The following ARHGAP42 variants were observed in gnomAD, a reference collection of about 807,000 sequenced individuals.
ARHGAP42 encodes rho GTPase-activating protein 42.
ARHGAP42 carries 63 observed loss-of-function variants against 125.0 expected under a neutral mutation model. The observed-to-expected ratio is 0.50, with a 90% CI of 0.41 to 0.62. The LOEUF (loss-of-function observed/expected upper bound fraction) is 0.62. Ranked by LOEUF, ARHGAP42 falls within the 20% of genes least tolerant of loss-of-function variation. The pLI, the probability that ARHGAP42 is intolerant of heterozygous loss-of-function variation, is 0.00. For synonymous variants in ARHGAP42, 339 were observed against 351.0 expected (o/e 0.97, Z 0.38); for missense variants, 766 against 1,024.2 (o/e 0.75, Z 3.44).
At chr11:100,763,094 C>T (rs928381307) in intron 1 of ARHGAP42, among the ~76,000 whole-genome samples, 2 of 150,040 alleles carry the variant, frequency 1.3e-5, no homozygotes, top group Non-Finnish European at 3.0e-5. Flanking sequence ...ATTCTCATGC[C>T]TCAGCCTCCC....
At chr11:100,697,027 C>T (rs1861295396) in intron 1 of ARHGAP42, among the ~76,000 whole-genome samples, 1 of 151,984 alleles carries the variant, frequency 6.6e-6, no homozygotes, top group African/African-American at 2.4e-5. Flanking sequence ...AATTGGAAAA[C>T]TGCTGCCTGT....
intron 6 of ARHGAP42, among the ~76,000 whole-genome samples, chr11:100,923,747 A>G (rs1021733809): frequency 6.6e-6 from 1 of 152,066 alleles, no homozygotes; most frequent in Admixed American, 6.5e-5. Context: ...GTCAAAATTG[A>G]TGTTATATTT....
intron 3 of ARHGAP42, among the ~76,000 whole-genome samples, chr11:100,800,078 A>G (rs1253933062): frequency 2.6e-5 from 4 of 152,236 alleles, no homozygotes; most frequent in African/African-American, 9.6e-5. Context: ...TGTTAAGGAT[A>G]GACTAGTTAC....
intron 1 of ARHGAP42, among the ~76,000 whole-genome samples, chr11:100,758,742 G>C (rs951686147): frequency 2.6e-5 from 4 of 152,128 alleles, no homozygotes; most frequent in Admixed American, 2.6e-4. Flanking sequence ...CATTTGCTCA[G>C]CACAATGATC....
chr11:100,813,415 G>C (rs945300878), intron 3 of ARHGAP42, among the ~76,000 whole-genome samples: 4 of 152,188 alleles, frequency 2.6e-5, no homozygotes, highest in South Asian at 4.1e-4. Flanking sequence ...GGGACTGTAG[G>C]GGGTAACAGG....
intron 3 of ARHGAP42, among the ~76,000 whole-genome samples, chr11:100,820,994 C>T (rs1336199586): frequency 6.6e-6 from 1 of 151,094 alleles, no homozygotes; most frequent in East Asian, 1.9e-4. Context: ...TTAGTGCTTC[C>T]CTTTCCAGCT....
rs1554996464 is a variant in ARHGAP42, at chr11:100,779,520, G to GCGTATATATACGTATATATATACA, written c.250+9082_250+9083insCGTATATATACGTATATATATACA. Among the ~76,000 whole-genome samples the GCGTATATATACGTATATATATACA allele has an allele frequency of 2.0e-4, 22 of 110,144 alleles. 5 individuals carry two copies. Among genetic ancestry groups the GCGTATATATACGTATATATATACA allele is most frequent in the African/African-American group, 3.0e-4 (9 of 29,624 alleles). 72.3% of individuals were successfully genotyped at this position (110,144 alleles called of 152,430 possible). On this transcript the variant is annotated intron_variant, in intron 2 of 23. Transcript: ENST00000298815. Reference sequence around the variant, plus strand: ...CACATATATACACGTATATATATACGTATACATGCGTATATATACGTATAT... The same window carrying GCGTATATATACGTATATATATACA: ...CACATATATACACGTATATATATACGCGTATATATACGTATATATATACATATACATGCGTATATATACGTATAT...
At chr11:100,774,876 T>C (rs73575552) in intron 2 of ARHGAP42, among the ~76,000 whole-genome samples, 1 of 152,140 alleles carries the variant, frequency 6.6e-6, no homozygotes, top group East Asian at 1.9e-4. Flanking sequence ...GCTGGGTTTT[T>C]TGTTTTGTTT....
chr11:100,819,488 G>A (rs140647908), intron 3 of ARHGAP42, among the ~76,000 whole-genome samples: 15 of 152,286 alleles, frequency 9.8e-5, no homozygotes, highest in Non-Finnish European at 1.8e-4. Context: ...ATGGATTGCA[G>A]ATAGTAGGAA....
chr11:100,972,483 G>A (rs964753444), intron 17 of ARHGAP42, among the ~76,000 whole-genome samples: 7 of 151,958 alleles, frequency 4.6e-5, no homozygotes, highest in Non-Finnish European at 8.8e-5. Context: ...GCCTAGCACA[G>A]CACCCAATAC....
chr11:100,777,546 C>G (rs560678902), intron 2 of ARHGAP42, among the ~76,000 whole-genome samples: 1 of 152,116 alleles, frequency 6.6e-6, no homozygotes, highest in Admixed American at 6.5e-5. Context: ...TTCTGTTTCC[C>G]AAATGAGAAA....
intron 4 of ARHGAP42, among the ~76,000 whole-genome samples, chr11:100,882,779 C>T (rs923582898): frequency 1.7e-4 from 26 of 152,132 alleles, no homozygotes; most frequent in African/African-American, 6.0e-4. Flanking sequence ...TGCTTGTTCT[C>T]TTCAGGGTAT....
At chr11:100,926,838 C>A (rs998719964) in intron 6 of ARHGAP42, among the ~76,000 whole-genome samples, 17 of 152,162 alleles carry the variant, frequency 1.1e-4, no homozygotes, top group African/African-American at 4.1e-4. Context: ...TTAGTTGTGG[C>A]TTTAAAGCCC....
intron 1 of ARHGAP42, among the ~76,000 whole-genome samples, chr11:100,767,552 G>A (rs958355280): frequency 4.6e-5 from 7 of 152,118 alleles, no homozygotes; most frequent in Admixed American, 2.0e-4. Flanking sequence ...AGTCAAGAAC[G>A]GTCTGGGAAG....
intron 16 of ARHGAP42, among the ~76,000 whole-genome samples, chr11:100,963,949 G>T (rs1858022383): frequency 6.6e-6 from 1 of 151,802 alleles, no homozygotes; most frequent in South Asian, 2.1e-4. Flanking sequence ...TCAAGCTTTT[G>T]GTCACAAGTT....
intron 4 of ARHGAP42, among the ~76,000 whole-genome samples, chr11:100,875,103 C>CTGTG (rs1179353660): frequency 9.5e-5 from 5 of 52,894 alleles, no homozygotes; most frequent in Admixed American, 2.5e-4. Flanking sequence ...CTCTCTCTCT[C>CTGTG]TCTCTGTGTG....
At chr11:100,767,248 C>A (rs1249122407) in intron 1 of ARHGAP42, among the ~76,000 whole-genome samples, 1 of 152,186 alleles carries the variant, frequency 6.6e-6, no homozygotes, top group African/African-American at 2.4e-5. Context: ...TATATTAACT[C>A]ATTTTCTCCT....
chr11:100,836,198 ATCT>A (rs1864782890), intron 3 of ARHGAP42, among the ~76,000 whole-genome samples: 1 of 152,084 alleles, frequency 6.6e-6, no homozygotes, highest in African/African-American at 2.4e-5. Context: ...GTAGAGTTTA[ATCT>A]TCTGATTTCA....
chr11:100,904,999 G>T (rs1050329614), intron 4 of ARHGAP42, among the ~76,000 whole-genome samples: 6 of 152,156 alleles, frequency 3.9e-5, no homozygotes, highest in Admixed American at 1.3e-4. Flanking sequence ...TCAAGTTAAT[G>T]AATGAATTAA....
Sources: allele counts gnomAD v4.1 joint callset (sites outside exome capture counted in the v4.1 genomes callset), GRCh38; gene constraint gnomAD v4.1.1; transcripts MANE v1.5; gene names NCBI Gene and HGNC (gene_info 2026-07-23, HGNC 2026-07-21).